Variants in XPNPEP1 observed in about 807,000 individuals in gnomAD.
XPNPEP1 encodes xaa-Pro aminopeptidase 1.
In XPNPEP1, 39 loss-of-function variants were observed where a neutral mutation model predicts 92.4. The ratio of observed to expected loss-of-function variants is 0.42; its 90% CI spans 0.33 to 0.55. XPNPEP1 has a LOEUF of 0.55. Ranked by LOEUF, XPNPEP1 falls within the 20% of genes least tolerant of loss-of-function variation. The pLI is 0.08. For synonymous variants in XPNPEP1, 307 were observed against 299.4 expected (o/e 1.03, Z -0.26); for missense variants, 654 against 856.1 (o/e 0.76, Z 2.95).
In XPNPEP1 at chr10:109,904,676, G is replaced by T. The variant is rs116266049; in HGVS notation, c.246+3015C>A. Among the ~76,000 whole-genome samples the T allele has an allele frequency of 7.8e-3, 1,194 of 152,244 alleles. 15 individuals are homozygous for T. The highest frequency in any genetic ancestry group is 0.027 in the African/African-American group (1,141 of 41,532). ...ATACAAATGGGACCAAAAAGCATAT[G>T]AAAAGATACTCAACATCACTAACCA... On this transcript the variant is annotated intron_variant, in intron 3 of 20. Coordinates refer to ENST00000502935, the MANE Select transcript of XPNPEP1 (RefSeq NM_020383.4).
rs538256788 is a variant in XPNPEP1, at chr10:109,900,637, C to G, written c.246+7054G>C. ...CTCCTCTCCGCTCCTAACCCCAGTACCCAAGTCCAGGCCCTCTTTACCCCA... is the reference window on the plus strand; with the variant it reads ...CTCCTCTCCGCTCCTAACCCCAGTAGCCAAGTCCAGGCCCTCTTTACCCCA... On this transcript the variant is annotated intron_variant, in intron 3 of 20. Coordinates refer to ENST00000502935, the MANE Select transcript of XPNPEP1 (RefSeq NM_020383.4). 2.6e-5 allele frequency among the ~76,000 whole-genome samples: 4 copies of G among 152,286 alleles called. No individual in the cohort carries two copies. The South Asian group carries it at 8.3e-4, about 32-fold the overall frequency.
chr10:109,892,390 T>C (rs1848750404), intron 4 of XPNPEP1: 2 of 156,564 alleles, frequency 1.3e-5, no homozygotes, highest in Non-Finnish European at 2.8e-5. Flanking sequence ...CCAATCCTAA[T>C]GCGCCAACCA....
In XPNPEP1 at chr10:109,868,633, T is replaced by A. The variant is rs979450841; in HGVS notation, c.1853A>T (p.Asp618Val). The stretch of plus-strand genomic sequence containing the variant: ...CATTACCTCTTTGTCTGTAAGAGAA[T>A]CCACATCTATCATTTTGGTCTGAAT... The part of the protein sequence containing the change: ...VPIQTKMIDV[D>V]SLTDKECDWL... The change falls in exon 20 of 21, where the codon GAT becomes GTT. Residue 618 changes from aspartate to valine, a missense_variant. Transcript: ENST00000502935. 6.2e-7 allele frequency: 1 copy of A among 1,613,746 alleles called. No individual in the cohort carries two copies. Among genetic ancestry groups the A allele is most frequent in the African/African-American group, 1.3e-5 (1 of 74,866 alleles).
Position 109,867,395 on chromosome 10 carries a change from C to A in XPNPEP1, c.1872+1219G>T, listed in dbSNP as rs576956971. 2.6e-5 allele frequency among the ~76,000 whole-genome samples: 4 copies of A among 152,348 alleles called. No individual in the cohort carries two copies. In the East Asian group the frequency reaches 5.8e-4, roughly 22 times the overall value. ...CCATCTACAAGCTGCATAACCCACC[C>A]GGTATCAGCAAGGCCCATGTGGGTC... On this transcript the variant is annotated intron_variant, in intron 20 of 20. Transcript: ENST00000502935. The surrounding 1 kb of genome is among the most constrained non-coding windows in gnomAD (Gnocchi z 4.5).
At chr10:109,923,366 C>G (rs1193777692) in intron 1 of XPNPEP1, 36 bp downstream of exon 1, 5 of 1,427,536 alleles carry the variant, frequency 3.5e-6, no homozygotes, top group Non-Finnish European at 4.6e-6. Context: ...GGGCTGCACG[C>G]TGCCCGGACG....
chr10:109,896,481 G>T (rs1848999481), intron 3 of XPNPEP1, among the ~76,000 whole-genome samples: 1 of 148,490 alleles, frequency 6.7e-6, no homozygotes, highest in African/African-American at 2.5e-5. Flanking sequence ...ACGTTGCCAG[G>T]CTGGCCTTGA....
At chr10:109,868,267 T>A (rs1376502182) in intron 20 of XPNPEP1, among the ~76,000 whole-genome samples, 1 of 151,856 alleles carries the variant, frequency 6.6e-6, no homozygotes, top group Non-Finnish European at 1.5e-5. Flanking sequence ...TGGCTTTTTG[T>A]AGGGACACAC....
chr10:109,884,134 G>A lies in XPNPEP1; in HGVS notation c.763C>T (p.Arg255Ter). 3.7e-6 allele frequency: 6 copies of A among 1,613,766 alleles called. No individual in the cohort carries two copies. The highest frequency in any genetic ancestry group is 4.2e-6 in the Non-Finnish European group (5 of 1,179,864). ...GGATTGTGCTCCACATCTGATCCTC[G>A]GAGATTAAATAGCCCTAGAAAAGAA... is the stretch of plus-strand genomic sequence containing the variant. ...LDEIAWLFNL[R>*]GSDVEHNPVF... The change falls in exon 9 of 21, where the codon CGA (arginine) becomes TGA (stop). Residue 255 changes from arginine to a stop codon, truncating the protein, a stop_gained. Coordinates refer to ENST00000502935, the MANE Select transcript of XPNPEP1 (RefSeq NM_020383.4). LOFTEE classifies it high-confidence loss of function.
intron 20 of XPNPEP1, 147 bp from the exon 21 acceptor site, chr10:109,865,459 G>A: frequency 9.2e-7 from 1 of 1,092,426 alleles, no homozygotes; most frequent in East Asian, 2.6e-5. Context: ...TCACAGGTAA[G>A]TATTTTCCTT....
intron 10 of XPNPEP1, 106 bp from the exon 11 acceptor site, chr10:109,881,037 G>A: frequency 8.9e-7 from 1 of 1,118,048 alleles, no homozygotes; most frequent in Admixed American, 2.3e-5. Context: ...CAAATCATTT[G>A]AAGAGCTCCC....
chr10:109,881,305 G>C (rs1021497782), intron 10 of XPNPEP1, among the ~76,000 whole-genome samples: 1 of 152,154 alleles, frequency 6.6e-6, no homozygotes, highest in East Asian at 1.9e-4. Context: ...GCTGTACAAA[G>C]GGGGCTTTTT....
At chr10:109,885,410 T>C (rs1410766734) in intron 8 of XPNPEP1, among the ~76,000 whole-genome samples, 1 of 152,228 alleles carries the variant, frequency 6.6e-6, no homozygotes, top group Non-Finnish European at 1.5e-5. Context: ...TTACTTCCTC[T>C]GCATTTTCCA....
intron 12 of XPNPEP1, among the ~76,000 whole-genome samples, chr10:109,878,913 A>T (rs1847928381): frequency 6.6e-6 from 1 of 151,928 alleles, no homozygotes; most frequent in African/African-American, 2.4e-5. Flanking sequence ...ATTTATCTGC[A>T]CACTAAGAGA....
chr10:109,913,258 T>G (rs1849979650), intron 2 of XPNPEP1, among the ~76,000 whole-genome samples: 1 of 152,240 alleles, frequency 6.6e-6, no homozygotes, highest in African/African-American at 2.4e-5. Context: ...CATACTTACC[T>G]CACTGGTGGC....
Position 109,893,037 on chromosome 10 carries a change from A to C in XPNPEP1, c.285T>G (p.Phe95Leu), listed in dbSNP as rs1207077440. Residue 95 changes from phenylalanine (F) to leucine (L), a missense_variant, in exon 4 of 21, where the codon TTT (phenylalanine) becomes TTG (leucine). Coordinates refer to ENST00000502935, the MANE Select transcript of XPNPEP1 (RefSeq NM_020383.4). ...CCGCAGAGCCATCGAATCCAGAGAC[A>C]AAAGCCCGCCGACAGTCACATGGAG... ...YIAPCDCRRA[F>L]VSGFDGSAGT... is the part of the protein sequence containing the mutation. The C allele has an allele frequency of 6.2e-7, 1 of 1,613,766 alleles. No individual in the cohort carries two copies. The highest frequency in any genetic ancestry group is 2.2e-5 in the East Asian group (1 of 44,890).
chr10:109,883,934 T>C (rs536922463), intron 9 of XPNPEP1, 133 bp downstream of exon 9: 27 of 747,664 alleles, frequency 3.6e-5, no homozygotes, highest in Non-Finnish European at 5.1e-5. Context: ...GAAGGGAAAA[T>C]GTTAAAAGGG....
At chr10:109,887,898 G>C (rs1848480061) in intron 7 of XPNPEP1, 151 bp downstream of exon 7, 2 of 1,145,460 alleles carry the variant, frequency 1.7e-6, no homozygotes, top group African/African-American at 1.6e-5. Flanking sequence ...CAAAGCTCCT[G>C]CTTCTTCAAA....
chr10:109,922,551 G>A (rs569496618), intron 1 of XPNPEP1, among the ~76,000 whole-genome samples: 1 of 152,300 alleles, frequency 6.6e-6, no homozygotes, highest in South Asian at 2.1e-4. Context: ...ACAAACACAA[G>A]CAGGAGCCAT....
At position 109,884,092 on chromosome 10, in the gene XPNPEP1, C is replaced by T. The variant is rs1848256821; in HGVS notation, c.805G>A (p.Ala269Thr). ...VEHNPVFFSY[A>T]IIGLETIMLF... ...ATGATCGTCTCTAGTCCTATGATTGCGTAGGAGAAAAATACTGGATTGTGC... is the reference window on the plus strand; with the variant it reads ...ATGATCGTCTCTAGTCCTATGATTGTGTAGGAGAAAAATACTGGATTGTGC... The change falls in exon 9 of 21, where the codon GCA becomes ACA. Residue 269 changes from alanine to threonine, a missense_variant. Transcript: ENST00000502935. 6.2e-7 allele frequency: 1 copy of T among 1,613,938 alleles called. No homozygotes were observed. Among genetic ancestry groups the T allele is most frequent in the Non-Finnish European group, 8.5e-7 (1 of 1,179,918 alleles).
Sources: gnomAD v4.1 joint callset for allele counts (sites outside exome capture counted in the v4.1 genomes callset) on GRCh38, gnomAD v4.1.1 for gene constraint, Gnocchi (gnomAD v3.1) non-coding constraint, MANE v1.5 for transcripts, NCBI Gene and HGNC (gene_info 2026-07-23, HGNC 2026-07-21) for gene names.